CHCHD6: variants seen among roughly 807,000 people sequenced by gnomAD.
CHCHD6 encodes coiled-coil-helix-coiled-coil-helix domain containing 6, also known as MICOS complex subunit MIC25.
Under a neutral mutation model 32.3 loss-of-function variants are expected in CHCHD6, and 28 were observed. That is an observed-to-expected ratio of 0.87 (90% CI 0.64 to 1.19). CHCHD6 has a LOEUF of 1.19. Among genes scored for constraint, CHCHD6 ranks in the 50% most tolerant of loss-of-function variants. CHCHD6 has a pLI of 0.00. For synonymous variants in CHCHD6, 122 were observed against 117.5 expected (o/e 1.04, Z -0.25); for missense variants, 333 against 307.0 (o/e 1.08, Z -0.63).
intron 6 of CHCHD6, among the ~76,000 whole-genome samples, chr3:126,950,035 G>A (rs1053907707): frequency 6.6e-6 from 1 of 152,018 alleles, no homozygotes; most frequent in African/African-American, 2.4e-5. Flanking sequence ...ACAGTGGCTT[G>A]TTGTGTTATG....
At chr3:126,788,872 T>A (rs1221732487) in intron 4 of CHCHD6, among the ~76,000 whole-genome samples, 1 of 152,190 alleles carries the variant, frequency 6.6e-6, no homozygotes, top group Admixed American at 6.5e-5. Flanking sequence ...AGCTTTTGAA[T>A]GTGTTTGCTC....
intron 4 of CHCHD6, among the ~76,000 whole-genome samples, chr3:126,836,957 A>G (rs1417744174): frequency 6.6e-6 from 1 of 152,212 alleles, no homozygotes; most frequent in Non-Finnish European, 1.5e-5. Context: ...TCACCGGTCC[A>G]AGCTCCCTTG....
At chr3:126,834,033 G>A (rs1395707742) in intron 4 of CHCHD6, among the ~76,000 whole-genome samples, 11 of 112,668 alleles carry the variant, frequency 9.8e-5, no homozygotes, top group South Asian at 6.0e-4. Flanking sequence ...CAGACTGGGC[G>A]ACAGAGCGAG....
chr3:126,729,917 G>A (rs1935711432), intron 2 of CHCHD6, among the ~76,000 whole-genome samples: 3 of 152,130 alleles, frequency 2.0e-5, no homozygotes, highest in African/African-American at 4.8e-5. Context: ...TGGGGACAGG[G>A]TAGTAACAAA....
intron 1 of CHCHD6, among the ~76,000 whole-genome samples, chr3:126,704,625 A>C (rs931578333): frequency 6.6e-6 from 1 of 152,122 alleles, no homozygotes. Context: ...GAAGAACTGT[A>C]CAGGTGCGAG....
rs113706892 is a variant in CHCHD6, at chr3:126,960,278, G to C, written c.*77G>C. On this transcript the variant is annotated 3_prime_UTR_variant, in exon 8 of 8. Transcript: ENST00000290913. ...GACCAATCATGGGACCACAGCCACT[G>C]TGCCCTGCCGTTTCCTGCTGGGCCC... 0.05 allele frequency: 75,948 copies of C among 1,525,736 alleles called. 2,188 individuals carry two copies. Among genetic ancestry groups the C allele is most frequent in the Non-Finnish European group, 0.056 (63,213 of 1,125,592 alleles). The allele number at this position is 1,525,736 out of a possible 1,614,324, so 94.5% of individuals were successfully genotyped here.
intron 4 of CHCHD6, among the ~76,000 whole-genome samples, chr3:126,816,645 G>T (rs1447342380): frequency 7.2e-5 from 11 of 152,200 alleles, no homozygotes; most frequent in Non-Finnish European, 2.9e-5. Flanking sequence ...TACCTGCAGT[G>T]TTGGGGAGCA....
chr3:126,803,733 T>C (rs1487046238), intron 4 of CHCHD6, among the ~76,000 whole-genome samples: 1 of 152,054 alleles, frequency 6.6e-6, no homozygotes, highest in Non-Finnish European at 1.5e-5. Flanking sequence ...TCTACAGAAC[T>C]CTCCACCCCA....
chr3:126,853,830 A>T (rs1419359158), intron 5 of CHCHD6, among the ~76,000 whole-genome samples: 1 of 152,236 alleles, frequency 6.6e-6, no homozygotes, highest in Non-Finnish European at 1.5e-5. Context: ...ACTGTAGCTT[A>T]TAATGACAAG....
chr3:126,749,895 A>T (rs1481108507), intron 4 of CHCHD6, among the ~76,000 whole-genome samples: 2 of 152,228 alleles, frequency 1.3e-5, no homozygotes, highest in African/African-American at 4.8e-5. Flanking sequence ...TCCATACCAA[A>T]GAATGGCTAT....
At chr3:126,901,288 C>G (rs118151670) in intron 5 of CHCHD6, among the ~76,000 whole-genome samples, 1 of 152,202 alleles carries the variant, frequency 6.6e-6, no homozygotes, top group Admixed American at 6.5e-5. Flanking sequence ...TTAGTTTTGC[C>G]GTCCTCTGAC....
intron 6 of CHCHD6, among the ~76,000 whole-genome samples, chr3:126,924,287 G>A (rs189726512): frequency 6.6e-6 from 1 of 152,152 alleles, no homozygotes; most frequent in South Asian, 2.1e-4. Flanking sequence ...GTCTGAAAAA[G>A]GTATGTTCCT....
chr3:126,727,240 T>TG (rs1264374268), intron 2 of CHCHD6, 54 bp downstream of exon 2: 1 of 1,352,628 alleles, frequency 7.4e-7, no homozygotes, highest in African/African-American at 1.4e-5. Flanking sequence ...AAAGGAGTGA[T>TG]GGGTGCTCAC....
At chr3:126,736,090 G>C (rs1419293556) in intron 4 of CHCHD6, among the ~76,000 whole-genome samples, 1 of 152,226 alleles carries the variant, frequency 6.6e-6, no homozygotes, top group Non-Finnish European at 1.5e-5. Context: ...GGTATGGTTG[G>C]GGAGTGCTTT....
intron 4 of CHCHD6, chr3:126,766,380 A>C (rs1037254340): frequency 7.8e-6 from 4 of 510,000 alleles, no homozygotes; most frequent in African/African-American, 5.8e-5. Flanking sequence ...CCCAGTGCAC[A>C]TGGAAGTGAC....
At chr3:126,829,175 G>A (rs767619039) in intron 4 of CHCHD6, among the ~76,000 whole-genome samples, 5 of 152,102 alleles carry the variant, frequency 3.3e-5, no homozygotes, top group Non-Finnish European at 7.3e-5. Flanking sequence ...CTATATGTAT[G>A]TAGTTCAGTG....
At chr3:126,766,976 T>C (rs1333498701) in intron 4 of CHCHD6, 1 of 915,700 alleles carries the variant, frequency 1.1e-6, no homozygotes, top group South Asian at 1.4e-5. Context: ...AGTGTGTGGT[T>C]AGCGCCACAG....
intron 4 of CHCHD6, among the ~76,000 whole-genome samples, chr3:126,844,841 G>A (rs892585973): frequency 1.3e-5 from 2 of 152,156 alleles, no homozygotes; most frequent in African/African-American, 2.4e-5. Flanking sequence ...TATGAGGGAA[G>A]GGGGAAGGCA....
intron 4 of CHCHD6, among the ~76,000 whole-genome samples, chr3:126,784,001 T>C (rs1008937799): frequency 6.6e-6 from 1 of 152,176 alleles, no homozygotes; most frequent in Non-Finnish European, 1.5e-5. Flanking sequence ...GAACCTTTTT[T>C]TGTATCCCCA....
Sources: allele counts gnomAD v4.1 joint callset (sites outside exome capture counted in the v4.1 genomes callset), GRCh38; gene constraint gnomAD v4.1.1; transcripts MANE v1.5; gene names NCBI Gene and HGNC (gene_info 2026-07-23, HGNC 2026-07-21).